Variants in TMEM233 observed in about 807,000 individuals in gnomAD.
TMEM233 encodes dispanin subfamily B member 2.
In TMEM233, 6 loss-of-function variants were observed where a neutral mutation model predicts 11.2. The ratio of observed to expected loss-of-function variants is 0.54; its 90% CI spans 0.29 to 1.06. TMEM233 has a LOEUF of 1.06. TMEM233 is among the 50% of genes least tolerant of loss of function. The probability of loss-of-function intolerance (pLI) is 0.08; values close to 1 mark genes in which losing one functional copy is unlikely to be tolerated. For missense variants in TMEM233, 127 were observed against 144.7 expected (o/e 0.88, Z 0.63); for synonymous variants, 59 against 55.8 (o/e 1.06, Z -0.26).
chr12:119,627,856 T>C (rs966025661), intron 1 of TMEM233, among the ~76,000 whole-genome samples: 1 of 152,206 alleles, frequency 6.6e-6, no homozygotes, highest in African/African-American at 2.4e-5. Context: ...CAGTTTACCA[T>C]TGCTATGGCA....
chr12:119,626,538 G>GAAGAGAAGAGAAGAGAAGAGAAGAGAA (rs1566109309), intron 1 of TMEM233, among the ~76,000 whole-genome samples: 11 of 63,808 alleles, frequency 1.7e-4, no homozygotes, highest in African/African-American at 6.1e-4. Flanking sequence ...AAGGGAGAAG[G>GAAGAGAAGAGAAGAGAAGAGAAGAGAA]GAGAAGAGAA....
At chr12:119,609,548 G>A (rs752069169) in intron 1 of TMEM233, among the ~76,000 whole-genome samples, 9 of 152,190 alleles carry the variant, frequency 5.9e-5, no homozygotes, top group Non-Finnish European at 1.2e-4. Context: ...GGGAAAAATG[G>A]TTTTATGGGC....
At chr12:119,628,290 G>C (rs1954803819) in intron 1 of TMEM233, among the ~76,000 whole-genome samples, 1 of 151,842 alleles carries the variant, frequency 6.6e-6, no homozygotes, top group African/African-American at 2.4e-5. Context: ...TTCCCGAGTA[G>C]CTGGGATTAC....
At chr12:119,599,334 T>C (rs1954111570) in intron 1 of TMEM233, among the ~76,000 whole-genome samples, 1 of 152,212 alleles carries the variant, frequency 6.6e-6, no homozygotes, top group African/African-American at 2.4e-5. Context: ...AGAGGATGGA[T>C]ACCCCATTCT....
intron 2 of TMEM233, chr12:119,631,647 C>G (rs1954889119): frequency 1.0e-6 from 1 of 985,382 alleles, no homozygotes; most frequent in Non-Finnish European, 1.2e-6. Context: ...TGCTTGTGAA[C>G]TTGTGAGCAG....
At chr12:119,649,375 C>A in the TMEM233 span, among the ~76,000 whole-genome samples, 19 of 152,132 alleles carry the variant, frequency 1.2e-4, no homozygotes, top group Non-Finnish European at 2.4e-4. Flanking sequence ...CCAAATGAAC[C>A]CCAGCCTCCT....
chr12:119,601,437 A>C (rs1954161574), intron 1 of TMEM233, among the ~76,000 whole-genome samples: 1 of 152,090 alleles, frequency 6.6e-6, no homozygotes, highest in Non-Finnish European at 1.5e-5. Context: ...CGGGCGGATC[A>C]CGAGGTCAGG....
chr12:119,643,612 CA>C (rs1219055251), downstream of TMEM233, among the ~76,000 whole-genome samples: 13 of 151,786 alleles, frequency 8.6e-5, no homozygotes, highest in Non-Finnish European at 1.8e-4. Context: ...ACTAAAAATA[CA>C]AAAAATTAGC....
intron 1 of TMEM233, among the ~76,000 whole-genome samples, chr12:119,620,342 C>G (rs1444003083): frequency 6.6e-6 from 1 of 152,142 alleles, no homozygotes. Flanking sequence ...AACCTTTCTG[C>G]AGGGCAATTT....
intron 1 of TMEM233, among the ~76,000 whole-genome samples, chr12:119,613,195 T>C (rs913541208): frequency 7.3e-6 from 1 of 137,082 alleles, no homozygotes; most frequent in African/African-American, 2.7e-5. Context: ...TTTGGGCAAA[T>C]TCCCAAGAAG....
At chr12:119,603,060 A>G (rs924147600) in intron 1 of TMEM233, among the ~76,000 whole-genome samples, 6 of 152,202 alleles carry the variant, frequency 3.9e-5, no homozygotes, top group African/African-American at 1.4e-4. Context: ...CTCGAGACAA[A>G]CCTGGGTAAC....
At position 119,633,398 on chromosome 12, in the gene TMEM233, T is replaced by C. The variant is rs545075478; in HGVS notation, c.323+3526T>C. Among the ~76,000 whole-genome samples the C allele has an allele frequency of 2.8e-4, 43 of 151,930 alleles. No individual in the cohort carries two copies. The South Asian group carries it at 8.1e-3, about 29-fold the overall frequency. Reference sequence around the variant, plus strand: ...AGTTCCTTGACCAGCCTGGGCAACATAGCTAGACCCCATCTCTAAAAAAAA... The same window carrying C: ...AGTTCCTTGACCAGCCTGGGCAACACAGCTAGACCCCATCTCTAAAAAAAA... On this transcript the variant is annotated intron_variant, in intron 2 of 2. Coordinates refer to ENST00000426426, the MANE Select transcript of TMEM233 (RefSeq NM_001136534.3).
chr12:119,616,944 C>T (rs909692925), intron 1 of TMEM233, among the ~76,000 whole-genome samples: 2 of 152,218 alleles, frequency 1.3e-5, no homozygotes, highest in African/African-American at 4.8e-5. Flanking sequence ...CCTGAGGCCT[C>T]CCCAGCCCTG....
chr12:119,652,976 C>T, the TMEM233 span, among the ~76,000 whole-genome samples: 5 of 152,124 alleles, frequency 3.3e-5, no homozygotes, highest in African/African-American at 4.8e-5. Context: ...ACCATACCTT[C>T]GTAACATAAG....
intron 1 of TMEM233, among the ~76,000 whole-genome samples, chr12:119,627,301 C>A (rs1229090631): frequency 6.6e-6 from 1 of 152,168 alleles, no homozygotes; most frequent in Non-Finnish European, 1.5e-5. Flanking sequence ...GAGGCAAAGT[C>A]CCAACTACTC....
At chr12:119,618,617 T>C (rs796167207) in intron 1 of TMEM233, among the ~76,000 whole-genome samples, 1 of 152,210 alleles carries the variant, frequency 6.6e-6, no homozygotes, top group South Asian at 2.1e-4. Context: ...ATTTTGGAAA[T>C]TTAATGTTTA....
intron 2 of TMEM233, chr12:119,631,444 C>A: frequency 1.0e-6 from 1 of 953,614 alleles, no homozygotes; most frequent in African/African-American, 1.8e-5. Flanking sequence ...GGGAAGATGT[C>A]AAAACAGAAG....
chr12:119,646,144 G>A (rs1291412119), downstream of TMEM233, among the ~76,000 whole-genome samples: 2 of 150,272 alleles, frequency 1.3e-5, no homozygotes, highest in African/African-American at 4.9e-5. Context: ...TGCAACCTCC[G>A]CCTCCCAGGT....
chr12:119,612,432 C>T (rs1201514402), intron 1 of TMEM233, among the ~76,000 whole-genome samples: 5 of 152,112 alleles, frequency 3.3e-5, no homozygotes, highest in East Asian at 1.9e-4. Context: ...CTGGGCAACA[C>T]GGCAAAACCC....
Sources: allele counts gnomAD v4.1 joint callset (sites outside exome capture counted in the v4.1 genomes callset), GRCh38; gene constraint gnomAD v4.1.1; transcripts MANE v1.5; gene names NCBI Gene and HGNC (gene_info 2026-07-23, HGNC 2026-07-21).